The following PHACTR2 variants were observed in gnomAD, a reference collection of about 807,000 sequenced individuals.
PHACTR2 encodes chromosome 6 open reading frame 56.
PHACTR2 carries 30 observed loss-of-function variants against 76.0 expected under a neutral mutation model. The ratio of observed to expected loss-of-function variants is 0.39; its 90% CI spans 0.30 to 0.54. The LOEUF (loss-of-function observed/expected upper bound fraction) is 0.54, where lower values mean the gene tolerates loss of function less well. Among genes scored for constraint, PHACTR2 ranks in the 20% least tolerant of loss-of-function variants. The pLI is 0.61. For missense variants in PHACTR2, 696 were observed against 781.1 expected (o/e 0.89, Z 1.30); for synonymous variants, 292 against 292.5 (o/e 1.00, Z 0.02).
rs960503626 is a variant in PHACTR2, at chr6:143,541,214, A to T, written c.217+4007A>T. On this transcript the variant is annotated intron_variant, in intron 1 of 11. Coordinates refer to the PHACTR2 transcript ENST00000367584. The surrounding 1 kb of genome is among the most constrained non-coding windows in gnomAD (Gnocchi z 5.3). ...ATGTATTCTCTTAAGTTTTAGACAG[A>T]TCCTGTTCGGTATTAAGGAGCTTTG... Among the ~76,000 whole-genome samples the T allele has an allele frequency of 5.3e-5, 8 of 152,226 alleles. No homozygotes were observed. The highest frequency in any genetic ancestry group is 2.9e-5 in the Non-Finnish European group (2 of 68,038).
At chr6:143,568,715 C>A (rs1775397442) in intron 1 of PHACTR2, among the ~76,000 whole-genome samples, 1 of 152,120 alleles carries the variant, frequency 6.6e-6, no homozygotes. Flanking sequence ...CTTCCCATGC[C>A]TTTGTATTTT....
intron 2 of PHACTR2, among the ~76,000 whole-genome samples, chr6:143,723,955 CTTTTTTCT>C (rs1408991887): frequency 2.6e-5 from 4 of 151,502 alleles, no homozygotes; most frequent in African/African-American, 4.8e-5. Context: ...CCGTTTTTTT[CTTTTTTCT>C]TTTTTTCTTT....
Position 143,803,374 on chromosome 6 carries a change from C to T in PHACTR2, c.1846-3683C>T, listed in dbSNP as rs1020262097. 6.6e-6 allele frequency among the ~76,000 whole-genome samples: 1 copy of T among 152,110 alleles called. No homozygotes were observed. The highest frequency in any genetic ancestry group is 2.4e-5 in the African/African-American group (1 of 41,428). ...ACCAGCCTGGCCAACATTGCGAAATCCATCTCCACAAAAGATACAAAAAAT... is the reference window on the plus strand; with the variant it reads ...ACCAGCCTGGCCAACATTGCGAAATTCATCTCCACAAAAGATACAAAAAAT... On this transcript the variant is annotated intron_variant, in intron 11 of 12. Coordinates refer to ENST00000440869, the MANE Select transcript of PHACTR2 (RefSeq NM_001100164.2). The surrounding 1 kb of genome is among the most constrained non-coding windows in gnomAD (Gnocchi z 4.7).
rs9496698 is a variant in PHACTR2, at chr6:143,599,674, G to A, written c.217+62467G>A. Reference sequence around the variant, plus strand: ...GGAGGAAATTTTTTGAGTTGCAAAGGGTGCTTCCCTTGCTAGCCTATAAGA... The same window carrying A: ...GGAGGAAATTTTTTGAGTTGCAAAGAGTGCTTCCCTTGCTAGCCTATAAGA... On this transcript the variant is annotated intron_variant, in intron 1 of 11. Coordinates refer to the PHACTR2 transcript ENST00000367584. This position sits in a 1 kb window ranked among gnomAD's most constrained non-coding sequence, Gnocchi z 4.6. Among the ~76,000 whole-genome samples, 65,380 of 151,932 alleles carry A rather than the reference G, an allele frequency of 0.43. 14,672 individuals carry two copies. The highest frequency in any genetic ancestry group is 0.5 in the Non-Finnish European group (33,679 of 67,922).
chr6:143,759,426 G>A (rs780594719), intron 4 of PHACTR2, among the ~76,000 whole-genome samples: 10 of 152,274 alleles, frequency 6.6e-5, no homozygotes, highest in African/African-American at 2.2e-4. Context: ...GGCCAAGGCA[G>A]GCAAATTGCT....
upstream of PHACTR2, among the ~76,000 whole-genome samples, chr6:143,674,263 A>T (rs1777204553): frequency 6.6e-6 from 1 of 152,190 alleles, no homozygotes; most frequent in Non-Finnish European, 1.5e-5. The surrounding 1 kb of genome is among the most constrained non-coding windows in gnomAD (Gnocchi z 4.9). Context: ...GACTCTTACA[A>T]AATGTAGCCA....
At chr6:143,628,241 C>T (rs1366101363) in intron 1 of PHACTR2, among the ~76,000 whole-genome samples, 1 of 152,162 alleles carries the variant, frequency 6.6e-6, no homozygotes, top group East Asian at 1.9e-4. Flanking sequence ...ATGAATAGTG[C>T]TGCTATGAAT....
At chr6:143,685,916 G>T (rs182442440) in intron 1 of PHACTR2, among the ~76,000 whole-genome samples, 1 of 152,202 alleles carries the variant, frequency 6.6e-6, no homozygotes, top group African/African-American at 2.4e-5. Context: ...TGGATCACCT[G>T]GGGTCAGGAG....
chr6:143,727,107 C>T (rs1778589971), intron 2 of PHACTR2, among the ~76,000 whole-genome samples: 1 of 152,136 alleles, frequency 6.6e-6, no homozygotes, highest in South Asian at 2.1e-4. Context: ...CCCCCACTGA[C>T]ACCCACACAC....
At chr6:143,590,848 T>A (rs1775681821) in intron 1 of PHACTR2, among the ~76,000 whole-genome samples, 1 of 152,088 alleles carries the variant, frequency 6.6e-6, no homozygotes, top group South Asian at 2.1e-4. Flanking sequence ...GATGGTTAAT[T>A]TTGCCCTGTT....
In PHACTR2 at chr6:143,816,051, G is replaced by GA. The variant is rs1776288599; in HGVS notation, c.1923-7617dup. ...CTCCCTCTCAACAGTATGAAAATAA[G>GA]AAAAAATGTATTGCAGTTTTAAAAG... On this transcript the variant is annotated intron_variant, in intron 12 of 12. Coordinates refer to ENST00000440869, the MANE Select transcript of PHACTR2 (RefSeq NM_001100164.2). The surrounding 1 kb of genome is among the most constrained non-coding windows in gnomAD (Gnocchi z 4.5). Among the ~76,000 whole-genome samples, 1 of 151,846 alleles carries GA rather than the reference G, an allele frequency of 6.6e-6. No individual in the cohort carries two copies. Among genetic ancestry groups the GA allele is most frequent in the South Asian group, 2.1e-4 (1 of 4,808 alleles).
chr6:143,621,667 A>G lies in PHACTR2; in HGVS notation c.13+13345A>G, dbSNP rs1255460983. Among the ~76,000 whole-genome samples the G allele has an allele frequency of 6.6e-6, 1 of 152,194 alleles. No homozygotes were observed. Among genetic ancestry groups the G allele is most frequent in the Non-Finnish European group, 1.5e-5 (1 of 68,020 alleles). On this transcript the variant is annotated intron_variant, in intron 1 of 11. Transcript: ENST00000305766. This position sits in a 1 kb window ranked among gnomAD's most constrained non-coding sequence, Gnocchi z 4.1. ...GGCTGAGCCTGTTCTACCTGCTGGTATGGGGCCTTGGGCATATCCATGAGC... is the reference window on the plus strand; with the variant it reads ...GGCTGAGCCTGTTCTACCTGCTGGTGTGGGGCCTTGGGCATATCCATGAGC...
rs994342213 is a variant in PHACTR2, at chr6:143,689,850, G to A, written c.46+11641G>A. ...TGGGATTACAGGCACCTGCCACCAC[G>A]CCCGGCTAATTTTTGTATTTTTAGT... On this transcript the variant is annotated intron_variant, in intron 1 of 12. Coordinates refer to ENST00000440869, the MANE Select transcript of PHACTR2 (RefSeq NM_001100164.2). This position sits in a 1 kb window ranked among gnomAD's most constrained non-coding sequence, Gnocchi z 4.4. Among the ~76,000 whole-genome samples the A allele has an allele frequency of 1.3e-5, 2 of 151,854 alleles. No individual in the cohort carries two copies. The highest frequency in any genetic ancestry group is 2.4e-5 in the African/African-American group (1 of 41,350).
chr6:143,804,382 G>A (rs1776022623), intron 11 of PHACTR2, among the ~76,000 whole-genome samples: 1 of 152,088 alleles, frequency 6.6e-6, no homozygotes, highest in Admixed American at 6.5e-5. Context: ...AGCAAAAGGT[G>A]CCAGGCCAGT....
chr6:143,649,139 C>G (rs1057274549), intron 1 of PHACTR2, among the ~76,000 whole-genome samples: 4 of 152,094 alleles, frequency 2.6e-5, no homozygotes, highest in African/African-American at 9.7e-5. Context: ...AACCATCAAC[C>G]AAAGCCCACG....
At position 143,581,815 on chromosome 6, in the gene PHACTR2, G is replaced by A. The variant is rs1775577751; in HGVS notation, c.217+44608G>A. On this transcript the variant is annotated intron_variant, in intron 1 of 11. Coordinates refer to the PHACTR2 transcript ENST00000367584. This position sits in a 1 kb window ranked among gnomAD's most constrained non-coding sequence, Gnocchi z 4.5. ...CCACTGCACTCCAGCCTGGGTGACAGAGTGAGAACCCTGTTCCCCTCCCCA... is the reference window on the plus strand; with the variant it reads ...CCACTGCACTCCAGCCTGGGTGACAAAGTGAGAACCCTGTTCCCCTCCCCA... Among the ~76,000 whole-genome samples the A allele has an allele frequency of 6.6e-6, 1 of 152,044 alleles. No homozygotes were observed. The highest frequency in any genetic ancestry group is 2.4e-5 in the African/African-American group (1 of 41,388).
chr6:143,823,798 C>G lies in PHACTR2; in HGVS notation c.*109C>G, dbSNP rs1776479122. The stretch of plus-strand genomic sequence containing the variant: ...TTTGAATGTGTGTGTTTCCGTTTAA[C>G]TTGTGGTGAAGGAAGTGTGTGACTC... On this transcript the variant is annotated 3_prime_UTR_variant, in exon 13 of 13. Transcript: ENST00000440869. This position sits in a 1 kb window ranked among gnomAD's most constrained non-coding sequence, Gnocchi z 5.7. The G allele has an allele frequency of 1.1e-6, 1 of 948,160 alleles. No individual in the cohort carries two copies. Among genetic ancestry groups the G allele is most frequent in the South Asian group, 1.3e-5 (1 of 75,604 alleles). 58.7% of individuals were successfully genotyped at this position (948,160 alleles called of 1,614,324 possible). A position where few individuals can be genotyped will look rare whatever the true frequency, so the allele number is the denominator to read the frequency against.
chr6:143,789,210 C>A lies in PHACTR2; in HGVS notation c.1845+300C>A. The A allele has an allele frequency of 4.6e-6, 1 of 218,730 alleles. No homozygotes were observed. Among genetic ancestry groups the A allele is most frequent in the Non-Finnish European group, 9.2e-6 (1 of 108,596 alleles). The allele number at this position is 218,730 out of a possible 1,614,324, so 13.5% of individuals were successfully genotyped here. ...TTACTCTTAGAAAATATAACTTATA[C>A]AACTTATCATTTTAAAGGGATATGT... On this transcript the variant is annotated intron_variant, in intron 11 of 12. Coordinates refer to ENST00000440869, the MANE Select transcript of PHACTR2 (RefSeq NM_001100164.2). This position sits in a 1 kb window ranked among gnomAD's most constrained non-coding sequence, Gnocchi z 5.1.
Position 143,662,216 on chromosome 6 carries a change from T to C in PHACTR2, c.14-49800T>C, listed in dbSNP as rs1776958964. 6.6e-6 allele frequency among the ~76,000 whole-genome samples: 1 copy of C among 152,194 alleles called. No homozygotes were observed. The highest frequency in any genetic ancestry group is 2.4e-5 in the African/African-American group (1 of 41,448). On this transcript the variant is annotated intron_variant, in intron 1 of 11. Coordinates refer to the PHACTR2 transcript ENST00000305766. This position sits in a 1 kb window ranked among gnomAD's most constrained non-coding sequence, Gnocchi z 4.7. ...TTTATATTAAAAAGCCTCTTCAATA[T>C]GCACAACTTACCCTAGAGAGCTGTT...
Sources: gnomAD v4.1 joint callset for allele counts (sites outside exome capture counted in the v4.1 genomes callset) on GRCh38, gnomAD v4.1.1 for gene constraint, Gnocchi (gnomAD v3.1) non-coding constraint, MANE v1.5 for transcripts, NCBI Gene and HGNC (gene_info 2026-07-23, HGNC 2026-07-21) for gene names.